SRPK2: variants seen among roughly 807,000 people sequenced by gnomAD.
SRPK2 encodes the protein SRSF protein kinase 2, also known as SFRS protein kinase 2.
SRPK2 carries 21 observed loss-of-function variants against 90.8 expected under a neutral mutation model. The ratio of observed to expected loss-of-function variants is 0.23; its 90% CI spans 0.16 to 0.33. The LOEUF (loss-of-function observed/expected upper bound fraction) is 0.33. Ranked by LOEUF, SRPK2 falls within the 10% of genes least tolerant of loss-of-function variation. The pLI, the probability that SRPK2 is intolerant of heterozygous loss-of-function variation, is 1.00. For synonymous variants in SRPK2, 288 were observed against 311.1 expected, an observed-to-expected ratio of 0.93 and a Z score of 0.78; for missense variants, 620 against 869.0, an observed-to-expected ratio of 0.71 and a Z score of 3.60.
At chr7:105,182,002 G>A (rs567560322) in intron 3 of SRPK2, among the ~76,000 whole-genome samples, 6 of 151,940 alleles carry the variant, frequency 3.9e-5, no homozygotes, top group Non-Finnish European at 5.9e-5. Flanking sequence ...GCCAAGGCGG[G>A]TGGATCACTT....
chr7:105,215,081 A>C (rs1797291041), intron 2 of SRPK2, among the ~76,000 whole-genome samples: 1 of 152,256 alleles, frequency 6.6e-6, no homozygotes, highest in Non-Finnish European at 1.5e-5. Flanking sequence ...AGACAATTCA[A>C]TTGGGAAAGA....
intron 2 of SRPK2, chr7:105,301,833 A>G (rs1351241422): frequency 5.1e-6 from 8 of 1,563,998 alleles, no homozygotes; most frequent in Non-Finnish European, 5.3e-6. Flanking sequence ...TGAATATGCC[A>G]AAGACAATAA....
intron 2 of SRPK2, among the ~76,000 whole-genome samples, chr7:105,209,988 T>C (rs1187342062): frequency 6.6e-6 from 1 of 152,232 alleles, no homozygotes; most frequent in Non-Finnish European, 1.5e-5. Flanking sequence ...CTTCATACTA[T>C]ATTCTGCATG....
chr7:105,143,101 T>G lies in SRPK2; in HGVS notation c.1043A>C (p.Glu348Ala). ...CCACTGACCATTGTCCTTTGCAGTC[T>G]CTGCCTCAGCCGCCTCCTCTAATCC... ...TTGLEEAAEA[E>A]TAKDNGEAED... The change falls in exon 10 of 16, where the codon GAG becomes GCG. Residue 348 changes from glutamate to alanine, a missense_variant. Glu to Ala is a moderately radical substitution (Grantham distance 107, BLOSUM62 -1). Transcript: ENST00000393651. The G allele has an allele frequency of 6.2e-7, 1 of 1,614,174 alleles. No homozygotes were observed. The highest frequency in any genetic ancestry group is 8.5e-7 in the Non-Finnish European group (1 of 1,179,976).
chr7:105,253,146 A>C (rs1802720008), intron 2 of SRPK2, among the ~76,000 whole-genome samples: 1 of 152,212 alleles, frequency 6.6e-6, no homozygotes, highest in South Asian at 2.1e-4. Context: ...TGTCTTTAGA[A>C]AGAAGCACCT....
intron 2 of SRPK2, among the ~76,000 whole-genome samples, chr7:105,253,181 G>GT (rs1045316516): frequency 4.4e-4 from 67 of 152,272 alleles, no homozygotes; most frequent in African/African-American, 1.5e-3. Flanking sequence ...CCATTTCGAT[G>GT]TTTAATACCC....
intron 6 of SRPK2, 128 bp downstream of exon 6, chr7:105,167,249 A>G (rs1790192942): frequency 1.4e-6 from 1 of 698,580 alleles, no homozygotes; most frequent in Admixed American, 2.7e-5. Context: ...CCACTTCATA[A>G]TACTTGACAA....
intron 7 of SRPK2, among the ~76,000 whole-genome samples, chr7:105,153,488 G>A (rs1435764032): frequency 1.3e-5 from 2 of 152,094 alleles, no homozygotes; most frequent in South Asian, 4.2e-4. Context: ...ATTGAAATAG[G>A]TCCTGTAATC....
intron 2 of SRPK2, among the ~76,000 whole-genome samples, chr7:105,260,198 C>G (rs766798914): frequency 6.6e-5 from 10 of 152,122 alleles, no homozygotes; most frequent in African/African-American, 1.2e-4. Flanking sequence ...AAGAAAAAAA[C>G]AACCCCATCA....
intron 2 of SRPK2, among the ~76,000 whole-genome samples, chr7:105,373,377 CA>C (rs34073549): frequency 0.062 from 8,543 of 137,118 alleles, 363 homozygotes; most frequent in Non-Finnish European, 0.084. Flanking sequence ...TACTTTGCCA[CA>C]AAAAAAAAAA....
At chr7:105,253,421 C>T (rs993582705) in intron 2 of SRPK2, among the ~76,000 whole-genome samples, 1 of 152,186 alleles carries the variant, frequency 6.6e-6, no homozygotes, top group African/African-American at 2.4e-5. Context: ...CTTGCTAAAA[C>T]CTTTCAATGG....
rs772673091 is a variant in SRPK2, at chr7:105,146,463, A to C, written c.787+30T>G. On this transcript the variant is annotated intron_variant, in intron 8 of 15. Transcript: ENST00000393651. ...CTTTGCAAGCTCCCAATGCCCCCAC[A>C]CTGAAATGAAGCTGGCTCAGCTCCC... 8.1e-6 allele frequency: 13 copies of C among 1,610,596 alleles called. No individual in the cohort carries two copies. The South Asian group carries it at 1.1e-4, about 14-fold the overall frequency.
intron 2 of SRPK2, among the ~76,000 whole-genome samples, chr7:105,324,057 C>T (rs763511909): frequency 1.2e-4 from 18 of 150,628 alleles, no homozygotes; most frequent in Admixed American, 2.7e-4. Flanking sequence ...AGTGCAATGG[C>T]GCTATCTTGG....
intron 2 of SRPK2, among the ~76,000 whole-genome samples, chr7:105,222,544 T>G (rs2129616747): frequency 6.6e-6 from 1 of 152,364 alleles, no homozygotes; most frequent in African/African-American, 2.4e-5. Context: ...CATTAGTAAG[T>G]TTGAAACTTC....
chr7:105,291,999 G>A (rs527722950), intron 2 of SRPK2, among the ~76,000 whole-genome samples: 6 of 152,250 alleles, frequency 3.9e-5, no homozygotes, highest in Admixed American at 3.9e-4. Flanking sequence ...ATGGAATGCT[G>A]TTTATCCCAA....
At chr7:105,377,620 C>T (rs1045188571) in intron 2 of SRPK2, among the ~76,000 whole-genome samples, 1 of 152,082 alleles carries the variant, frequency 6.6e-6, no homozygotes, top group Admixed American at 6.6e-5. Flanking sequence ...ATTGCTTGAA[C>T]TTGGGAGGCA....
intron 2 of SRPK2, among the ~76,000 whole-genome samples, chr7:105,301,367 G>A (rs758183304): frequency 6.6e-6 from 1 of 151,932 alleles, no homozygotes; most frequent in Non-Finnish European, 1.5e-5. Flanking sequence ...GAGGCCAGGG[G>A]CACGCACGAT....
chr7:105,294,752 C>T (rs1210727297), intron 2 of SRPK2, among the ~76,000 whole-genome samples: 2 of 152,118 alleles, frequency 1.3e-5, no homozygotes, highest in Non-Finnish European at 2.9e-5. Flanking sequence ...TAACGAACTC[C>T]TGACCTCAAC....
At chr7:105,295,496 G>C (rs531587766) in intron 2 of SRPK2, among the ~76,000 whole-genome samples, 1 of 152,232 alleles carries the variant, frequency 6.6e-6, no homozygotes, top group South Asian at 2.1e-4. Flanking sequence ...CATGCTACAA[G>C]ATGGATAAAC....
Sources: gnomAD v4.1 joint callset for allele counts (sites outside exome capture counted in the v4.1 genomes callset) on GRCh38, gnomAD v4.1.1 for gene constraint, MANE v1.5 for transcripts, NCBI Gene and HGNC (gene_info 2026-07-23, HGNC 2026-07-21) for gene names.